Variants in DMD observed in about 807,000 individuals in gnomAD.
DMD encodes mutant dystrophin.
A neutral mutation model predicts 330.1 loss-of-function variants in DMD; 63 were observed. The ratio of observed to expected loss-of-function variants is 0.19; its 90% CI spans 0.16 to 0.24. The LOEUF (loss-of-function observed/expected upper bound fraction) is 0.24. DMD is among the 10% of genes least tolerant of loss of function. The pLI is 1.00. For missense variants in DMD, 3,344 were observed against 2,684.1 expected, an observed-to-expected ratio of 1.25 and a Z score of -5.43; for synonymous variants, 1,223 against 959.8, an observed-to-expected ratio of 1.27 and a Z score of -5.07.
chrX:32,403,093 G>A (rs1223214204), intron 30 of DMD, among the ~76,000 whole-genome samples: 2 of 111,290 alleles, frequency 1.8e-5, no homozygotes, highest in African/African-American at 6.5e-5. Flanking sequence ...GGAATAGACG[G>A]GGAAAATTTT....
intron 7 of DMD, among the ~76,000 whole-genome samples, chrX:32,799,016 G>A (rs1390101534): frequency 9.0e-6 from 1 of 110,905 alleles, no homozygotes; most frequent in Non-Finnish European, 1.9e-5. Flanking sequence ...CCCAACATAA[G>A]AGGCCTTAAA....
intron 60 of DMD, among the ~76,000 whole-genome samples, chrX:31,436,069 A>C (rs1270047256): frequency 8.9e-6 from 1 of 112,122 alleles, no homozygotes; most frequent in South Asian, 3.7e-4. Flanking sequence ...TAGAGGTCTC[A>C]GGAAACTAAA....
At chrX:32,389,722 C>G (rs752282705) in intron 31 of DMD, 48 bp from the exon 32 acceptor site, 1 of 1,096,384 alleles carries the variant, frequency 9.1e-7, no homozygotes, top group Non-Finnish European at 1.3e-6. Context: ...GCCTTTCAAA[C>G]AATAACTGGT....
At chrX:31,726,525 ATTTTATGAGCAAGTATTTTAT>A (rs1461373815) in intron 52 of DMD, among the ~76,000 whole-genome samples, 2 of 112,416 alleles carry the variant, frequency 1.8e-5, no homozygotes, top group African/African-American at 6.5e-5. Context: ...AGAAAATACA[ATTTTATGAGCAAGTATTTTAT>A]TTCTGTCCTT....
At chrX:31,895,302 A>G (rs2094316165) in intron 47 of DMD, among the ~76,000 whole-genome samples, 1 of 111,603 alleles carries the variant, frequency 9.0e-6, no homozygotes, top group Non-Finnish European at 1.9e-5. Context: ...ATTAAAAGGT[A>G]CTCTGTTGGC....
At chrX:32,479,158 C>T (rs1198877247) in intron 21 of DMD, among the ~76,000 whole-genome samples, 3 of 111,210 alleles carry the variant, frequency 2.7e-5, no homozygotes, top group Non-Finnish European at 5.7e-5. Context: ...TCATATTTAA[C>T]TAACAAATAA....
chrX:32,515,775 T>C (rs1292290684), intron 18 of DMD, among the ~76,000 whole-genome samples: 1 of 111,671 alleles, frequency 9.0e-6, no homozygotes, highest in East Asian at 2.8e-4. Context: ...AAATTTTGAT[T>C]TACTAGTTCT....
chrX:31,216,592 C>T (rs1331601436), intron 64 of DMD, among the ~76,000 whole-genome samples: 2 of 112,052 alleles, frequency 1.8e-5, no homozygotes, highest in South Asian at 3.8e-4. Flanking sequence ...ACTGGCCTCT[C>T]GAGACCCCCT....
At chrX:32,369,532 A>G (rs5972546) in intron 34 of DMD, among the ~76,000 whole-genome samples, 1,810 of 111,406 alleles carry the variant, frequency 0.016, 41 homozygotes, top group African/African-American at 0.054. Context: ...ATTTAATGGT[A>G]GAACGGTAAA....
chrX:31,572,844 A>T (rs981909429), intron 55 of DMD, among the ~76,000 whole-genome samples: 2 of 112,309 alleles, frequency 1.8e-5, no homozygotes, highest in African/African-American at 6.5e-5. Context: ...CTTGGAATTC[A>T]GGTTTCCAAG....
At chrX:31,581,915 GACA>G (rs1569552536) in intron 55 of DMD, among the ~76,000 whole-genome samples, 1 of 111,128 alleles carries the variant, frequency 9.0e-6, no homozygotes, top group Admixed American at 9.6e-5. Flanking sequence ...TTAAAACATC[GACA>G]ACAATAATCC....
At chrX:31,505,591 T>C (rs1343869027) in intron 56 of DMD, among the ~76,000 whole-genome samples, 1 of 111,216 alleles carries the variant, frequency 9.0e-6, no homozygotes, top group African/African-American at 3.3e-5. Flanking sequence ...TGGTTAAAAG[T>C]TCAGACTCTG....
intron 1 of DMD, among the ~76,000 whole-genome samples, chrX:33,249,576 A>T (rs1197683994): frequency 8.9e-6 from 1 of 111,864 alleles, no homozygotes; most frequent in African/African-American, 3.3e-5. Context: ...CATTATGTTA[A>T]AGATACATTG....
At position 31,974,551 on chromosome X, in the gene DMD, A is replaced by G. The variant is rs569805972; in HGVS notation, c.6439-6037T>C. On this transcript the variant is annotated intron_variant, in intron 44 of 78. Coordinates refer to ENST00000357033, the MANE Select transcript of DMD (RefSeq NM_004006.3). ...CAGTAAACATTTATTGTACCTTACT[A>G]ATACAAATGCTGAAACCATACAAAT... Among the ~76,000 whole-genome samples the G allele has an allele frequency of 8.0e-4, 88 of 109,957 alleles. 1 individual carries two copies. Among genetic ancestry groups the G allele is most frequent in the African/African-American group, 2.6e-3 (80 of 30,265 alleles).
chrX:32,458,599 A>G lies in DMD; in HGVS notation c.3433-3767T>C, dbSNP rs73451766. On this transcript the variant is annotated intron_variant, in intron 25 of 78. Coordinates refer to ENST00000357033, the MANE Select transcript of DMD (RefSeq NM_004006.3). ...TTCTCCCAAATGGCTGCACCAATTT[A>G]CATTCCAACCAACACCATAAAAGAA... 4.3e-3 allele frequency among the ~76,000 whole-genome samples: 475 copies of G among 111,485 alleles called. 5 individuals are homozygous for G. The highest frequency in any genetic ancestry group is 0.014 in the African/African-American group (441 of 30,742).
At chrX:31,341,934 T>C (rs2692991) in intron 61 of DMD, among the ~76,000 whole-genome samples, 27,641 of 107,942 alleles carry the variant, frequency 0.26, 2,759 homozygotes, top group African/African-American at 0.29. Context: ...TGTACACACA[T>C]ATCTAACAAA....
chrX:32,315,635 T>A (rs1197277019), intron 41 of DMD, among the ~76,000 whole-genome samples: 2 of 111,477 alleles, frequency 1.8e-5, no homozygotes, highest in Non-Finnish European at 3.8e-5. Flanking sequence ...AGATCCAGTG[T>A]TAATCATAGT....
chrX:32,253,506 G>A (rs73619046), intron 43 of DMD, among the ~76,000 whole-genome samples: 1,802 of 111,007 alleles, frequency 0.016, 32 homozygotes, highest in African/African-American at 0.056. Context: ...GGTGACAATC[G>A]CATTCACTTT....
At chrX:33,259,491 G>A (rs2052915060) in intron 1 of DMD, among the ~76,000 whole-genome samples, 1 of 108,037 alleles carries the variant, frequency 9.3e-6, no homozygotes, top group Admixed American at 1.0e-4. Flanking sequence ...AACTTTTGAA[G>A]TGCTGATAAG....
Sources: allele counts gnomAD v4.1 joint callset (sites outside exome capture counted in the v4.1 genomes callset), GRCh38; gene constraint gnomAD v4.1.1; transcripts MANE v1.5; gene names NCBI Gene and HGNC (gene_info 2026-07-23, HGNC 2026-07-21).